ATP2C1: variants seen among roughly 807,000 people sequenced by gnomAD.
The protein encoded by ATP2C1 is ATPase secretory pathway Ca2+ transporting 1, also known as calcium-transporting ATPase type 2C member 1.
Under a neutral mutation model 120.5 loss-of-function variants are expected in ATP2C1, and 31 were observed. The observed-to-expected ratio is 0.26, with a 90% confidence interval of 0.19 to 0.35. The LOEUF (loss-of-function observed/expected upper bound fraction) is 0.35. ATP2C1 is among the 10% of genes least tolerant of loss of function. The pLI, the probability that ATP2C1 is intolerant of heterozygous loss-of-function variation, is 1.00. For missense variants in ATP2C1, 731 were observed against 1,107.5 expected, an observed-to-expected ratio of 0.66 and a Z score of 4.83; for synonymous variants, 351 against 358.7, an observed-to-expected ratio of 0.98 and a Z score of 0.24.
intron 2 of ATP2C1, among the ~76,000 whole-genome samples, chr3:130,904,250 A>T (rs1364358420): frequency 2.6e-5 from 4 of 152,002 alleles, no homozygotes; most frequent in Non-Finnish European, 5.9e-5. Context: ...CACATTTATA[A>T]ACTATCCTTT....
chr3:131,001,812 C>T lies in ATP2C1; in HGVS notation c.*462C>T. ...GTTTAGAAGTTGATTCCCAGGAGTG[C>T]CATATTTCAGCTACTGTATTTCCTT... is the stretch of plus-strand genomic sequence containing the variant. On this transcript the variant is annotated 3_prime_UTR_variant, in exon 28 of 28. Coordinates refer to ENST00000510168, the MANE Select transcript of ATP2C1 (RefSeq NM_001378687.1). 2.0e-6 allele frequency: 2 copies of T among 985,892 alleles called. No homozygotes were observed. The highest frequency in any genetic ancestry group is 2.4e-6 in the Non-Finnish European group (2 of 830,074). The allele number at this position is 985,892 out of a possible 1,614,324, so 61.1% of individuals were successfully genotyped here. A position where few individuals can be genotyped will look rare whatever the true frequency, so the allele number is the denominator to read the frequency against.
intron 1 of ATP2C1, among the ~76,000 whole-genome samples, chr3:130,882,760 A>G (rs1436874779): frequency 6.6e-6 from 1 of 152,054 alleles, no homozygotes; most frequent in African/African-American, 2.4e-5. Flanking sequence ...GTTTGCTAGT[A>G]TTTCATTGAG....
At chr3:130,933,018 TA>T (rs1378474102) in intron 4 of ATP2C1, among the ~76,000 whole-genome samples, 16 of 152,202 alleles carry the variant, frequency 1.1e-4, no homozygotes, top group Admixed American at 7.9e-4. Context: ...TTTTCATACT[TA>T]CCACATTCCC....
rs534370403 is a variant in ATP2C1, at chr3:130,927,709, G to A, written c.7-2707G>A. 5 of 152,406 alleles carry A rather than the reference G, an allele frequency of 3.3e-5. No homozygotes were observed. The East Asian group carries it at 7.7e-4, about 23-fold the overall frequency. 9.4% of individuals were successfully genotyped at this position (152,406 alleles called of 1,614,324 possible). On this transcript the variant is annotated intron_variant, in intron 2 of 27. Transcript: ENST00000510168. ...TGACCACAGGGGACAGCCACCATCT[G>A]AGTCTCAGCAGACTAGTTCACACGC... is the stretch of plus-strand genomic sequence containing the variant.
At chr3:130,969,032 T>C (rs2061178315) in intron 16 of ATP2C1, among the ~76,000 whole-genome samples, 1 of 152,194 alleles carries the variant, frequency 6.6e-6, no homozygotes, top group African/African-American at 2.4e-5. Context: ...GAGGGATTAA[T>C]ACAGTGTGTA....
chr3:130,918,302 T>C, intron 2 of ATP2C1: 1 of 1,558,950 alleles, frequency 6.4e-7, no homozygotes, highest in East Asian at 2.2e-5. Flanking sequence ...CCCTTTACAA[T>C]AGATTTCACC....
At chr3:130,923,144 T>C (rs192604630) in intron 2 of ATP2C1, among the ~76,000 whole-genome samples, 2 of 152,322 alleles carry the variant, frequency 1.3e-5, no homozygotes, top group Non-Finnish European at 2.9e-5. Flanking sequence ...GGAGCTTCAA[T>C]GTTAGGTGCA....
chr3:131,012,521 G>C (rs1449901167), intron 26 of ATP2C1, among the ~76,000 whole-genome samples: 3 of 152,098 alleles, frequency 2.0e-5, no homozygotes, highest in African/African-American at 7.2e-5. Context: ...GCCTTCCAAA[G>C]TGCTGGGATT....
intron 8 of ATP2C1, among the ~76,000 whole-genome samples, chr3:130,945,739 C>CCA (rs1271917978): frequency 7.9e-5 from 12 of 152,108 alleles, no homozygotes; most frequent in African/African-American, 2.7e-4. Context: ...TGTATATGTG[C>CCA]CACATTTTCT....
chr3:130,998,350 GTTT>G lies in ATP2C1; in HGVS notation c.2452_2454del (p.Phe818del). On this transcript the variant is annotated inframe_deletion, in exon 26 of 28. Transcript: ENST00000510168. ...CAACAATGACCTTCACATGCTTTGT[GTTT>G]TTTGACATGTTCAATGCACTAAGTT... 1 of 1,612,658 alleles carries G rather than the reference GTTT, an allele frequency of 6.2e-7. No homozygotes were observed. Among genetic ancestry groups the G allele is most frequent in the Non-Finnish European group, 8.5e-7 (1 of 1,178,730 alleles).
At chr3:130,993,587 G>A (rs2062455767) in intron 21 of ATP2C1, among the ~76,000 whole-genome samples, 1 of 152,118 alleles carries the variant, frequency 6.6e-6, no homozygotes, top group Non-Finnish European at 1.5e-5. Flanking sequence ...TTCCCACTAG[G>A]TGCCAGTAAC....
intron 8 of ATP2C1, among the ~76,000 whole-genome samples, chr3:130,945,522 C>G (rs1402000782): frequency 8.2e-6 from 1 of 122,256 alleles, no homozygotes; most frequent in Admixed American, 9.3e-5. Context: ...CCCCTCCCCC[C>G]ACCCCACGAC....
chr3:130,984,859 A>G (rs551853414), intron 20 of ATP2C1, among the ~76,000 whole-genome samples: 95 of 152,358 alleles, frequency 6.2e-4, no homozygotes, highest in African/African-American at 2.2e-3. Flanking sequence ...GCAATAATAA[A>G]TAACCTACAT....
At chr3:130,876,209 T>A (rs1201623532) in intron 1 of ATP2C1, among the ~76,000 whole-genome samples, 5 of 152,122 alleles carry the variant, frequency 3.3e-5, no homozygotes, top group Non-Finnish European at 5.9e-5. Context: ...CCTAGACCAA[T>A]GTCCAGAAGC....
At chr3:130,921,343 A>G (rs760628439) in intron 2 of ATP2C1, among the ~76,000 whole-genome samples, 4 of 152,126 alleles carry the variant, frequency 2.6e-5, no homozygotes, top group African/African-American at 4.8e-5. Flanking sequence ...CGGCTTCCCA[A>G]AGTGCTGGGA....
chr3:130,996,249 T>C, intron 23 of ATP2C1, 138 bp downstream of exon 23: 1 of 718,048 alleles, frequency 1.4e-6, no homozygotes, highest in Non-Finnish European at 2.5e-6. Flanking sequence ...AAAAAGAAAA[T>C]TTATTGTATT....
intron 1 of ATP2C1, among the ~76,000 whole-genome samples, chr3:130,887,469 G>T (rs1462755014): frequency 6.6e-6 from 1 of 152,182 alleles, no homozygotes; most frequent in African/African-American, 2.4e-5. Flanking sequence ...GGGAGCTAGG[G>T]ACTGCAGTCA....
chr3:130,975,984 A>G (rs1012723012), intron 18 of ATP2C1, among the ~76,000 whole-genome samples: 4 of 152,022 alleles, frequency 2.6e-5, no homozygotes, highest in Non-Finnish European at 4.4e-5. Flanking sequence ...GGTCTGCTGG[A>G]CACACACACA....
chr3:130,939,093 A>C (rs1356792532), intron 6 of ATP2C1, among the ~76,000 whole-genome samples: 1 of 152,198 alleles, frequency 6.6e-6, no homozygotes, highest in Admixed American at 6.5e-5. Context: ...CACACATGTG[A>C]CCCATCACCA....
Sources: gnomAD v4.1 joint callset for allele counts (sites outside exome capture counted in the v4.1 genomes callset) on GRCh38, gnomAD v4.1.1 for gene constraint, MANE v1.5 for transcripts, NCBI Gene and HGNC (gene_info 2026-07-23, HGNC 2026-07-21) for gene names.